Variants in CSMD1 observed in about 807,000 individuals in gnomAD.
CSMD1 encodes CUB and sushi domain-containing protein 1.
In CSMD1, 213 loss-of-function variants were observed where a neutral mutation model predicts 417.5. The observed-to-expected ratio is 0.51, with a 90% CI of 0.46 to 0.57. The LOEUF (loss-of-function observed/expected upper bound fraction) is 0.57, where lower values mean the gene tolerates loss of function less well. Among genes scored for constraint, CSMD1 ranks in the 20% least tolerant of loss-of-function variants. The pLI is 0.00. For missense variants in CSMD1, 6,923 were observed against 4,529.7 expected (o/e 1.53, Z -15.17); for synonymous variants, 2,862 against 1,736.8 (o/e 1.65, Z -16.11).
intron 6 of CSMD1, among the ~76,000 whole-genome samples, chr8:3,718,637 G>C (rs1801973406): frequency 1.3e-5 from 2 of 152,254 alleles, no homozygotes; most frequent in South Asian, 2.1e-4. Flanking sequence ...ATTGTGTCAA[G>C]GTAGTATGGA....
chr8:4,588,194 A>G (rs1799799665), intron 2 of CSMD1, among the ~76,000 whole-genome samples: 1 of 152,100 alleles, frequency 6.6e-6, no homozygotes, highest in Non-Finnish European at 1.5e-5. Context: ...TTAGGCATAT[A>G]TTTAAATAGA....
In CSMD1 at chr8:4,177,501, G is replaced by T. The variant is rs184987667; in HGVS notation, c.416-145402C>A. ...TAGGAAAGATCCAAAATTGACACCC[G>T]AACATCACAATTAAAAGAACTAGAA... On this transcript the variant is annotated intron_variant, in intron 3 of 69. Coordinates refer to ENST00000635120, the MANE Select transcript of CSMD1 (RefSeq NM_033225.6). Among the ~76,000 whole-genome samples the T allele has an allele frequency of 7.9e-4, 120 of 152,016 alleles. 1 individual carries two copies. The highest frequency in any genetic ancestry group is 4.8e-3 in the South Asian group (23 of 4,810).
At chr8:4,803,198 T>C (rs1411837987) in intron 1 of CSMD1, among the ~76,000 whole-genome samples, 1 of 152,198 alleles carries the variant, frequency 6.6e-6, no homozygotes, top group Non-Finnish European at 1.5e-5. Context: ...TCCTGGCCAC[T>C]TTCCAAAGTG....
intron 3 of CSMD1, among the ~76,000 whole-genome samples, chr8:4,388,102 C>A (rs910708328): frequency 6.6e-6 from 1 of 152,172 alleles, no homozygotes; most frequent in African/African-American, 2.4e-5. Context: ...ACTAAAGATA[C>A]AGCTGTCTCT....
intron 2 of CSMD1, among the ~76,000 whole-genome samples, chr8:4,468,094 G>A (rs1440965730): frequency 6.6e-6 from 1 of 152,162 alleles, no homozygotes; most frequent in Non-Finnish European, 1.5e-5. Flanking sequence ...GCACTGTTCT[G>A]ATGAACCGCT....
intron 3 of CSMD1, among the ~76,000 whole-genome samples, chr8:4,414,640 A>C (rs1004852010): frequency 3.3e-5 from 5 of 152,212 alleles, no homozygotes; most frequent in Non-Finnish European, 7.3e-5. Context: ...TTCACTAGAA[A>C]GAAAATCAAA....
At chr8:4,293,945 A>C (rs1283499768) in intron 3 of CSMD1, among the ~76,000 whole-genome samples, 1 of 151,912 alleles carries the variant, frequency 6.6e-6, no homozygotes, top group Non-Finnish European at 1.5e-5. Flanking sequence ...ACTTTTAAAC[A>C]CTTTCTACAA....
At chr8:3,254,859 C>T (rs1254219204) in intron 26 of CSMD1, among the ~76,000 whole-genome samples, 1 of 152,152 alleles carries the variant, frequency 6.6e-6, no homozygotes, top group Non-Finnish European at 1.5e-5. Context: ...CTGAAGCCTT[C>T]TTCTCTCAAC....
intron 1 of CSMD1, among the ~76,000 whole-genome samples, chr8:4,780,845 C>T (rs1797118788): frequency 6.6e-6 from 1 of 152,166 alleles, no homozygotes; most frequent in Non-Finnish European, 1.5e-5. Flanking sequence ...CTCAGTTACT[C>T]CACTTAAAAC....
At position 3,018,451 on chromosome 8, in the gene CSMD1, A is replaced by G. The variant is rs755404996; in HGVS notation, c.8029+26T>C. 1.6e-5 allele frequency: 26 copies of G among 1,606,286 alleles called. No homozygotes were observed. The East Asian group carries it at 3.6e-4, about 22-fold the overall frequency. On this transcript the variant is annotated intron_variant, in intron 52 of 69. Coordinates refer to ENST00000635120, the MANE Select transcript of CSMD1 (RefSeq NM_033225.6). ...TTTCTAAGGTTTATCTGCATTAAGT[A>G]AGTGCCAGAACACAGATGAATTTAC...
intron 1 of CSMD1, among the ~76,000 whole-genome samples, chr8:4,931,927 G>A (rs970161930): frequency 7.9e-5 from 12 of 152,130 alleles, no homozygotes; most frequent in Admixed American, 3.3e-4. Context: ...ACATTAAGAT[G>A]CTTATGTAAG....
At chr8:4,076,842 T>C (rs1464795132) in intron 3 of CSMD1, among the ~76,000 whole-genome samples, 1 of 152,168 alleles carries the variant, frequency 6.6e-6, no homozygotes, top group Admixed American at 6.6e-5. Context: ...AACTGCTAAC[T>C]TAAGATAGGC....
chr8:4,081,832 A>G (rs1407760922), intron 3 of CSMD1, among the ~76,000 whole-genome samples: 1 of 152,136 alleles, frequency 6.6e-6, no homozygotes, highest in Non-Finnish European at 1.5e-5. Context: ...AATAAAGTTA[A>G]AAAAAGTTGA....
intron 26 of CSMD1, among the ~76,000 whole-genome samples, chr8:3,246,709 T>A (rs1799906804): frequency 6.6e-6 from 1 of 152,184 alleles, no homozygotes. Flanking sequence ...TGACCTCAGG[T>A]GATCTTGCCC....
At chr8:4,872,963 C>A (rs1170119835) in intron 1 of CSMD1, among the ~76,000 whole-genome samples, 3 of 151,972 alleles carry the variant, frequency 2.0e-5, no homozygotes, top group Non-Finnish European at 4.4e-5. Flanking sequence ...GACTGGCAAA[C>A]AAAAATTGTA....
chr8:3,746,104 C>T (rs1460544613), intron 6 of CSMD1, among the ~76,000 whole-genome samples: 1 of 152,172 alleles, frequency 6.6e-6, no homozygotes, highest in Non-Finnish European at 1.5e-5. Context: ...ACATTGTCTG[C>T]AGATTTGGCC....
chr8:4,819,579 G>C (rs1799403686), intron 1 of CSMD1, among the ~76,000 whole-genome samples: 1 of 152,166 alleles, frequency 6.6e-6, no homozygotes, highest in South Asian at 2.1e-4. Context: ...TAAAATGTGT[G>C]TATCTTGTTA....
Position 3,714,191 on chromosome 8 carries a change from G to T in CSMD1, c.932-5700C>A, listed in dbSNP as rs115617373. ...TACATATTATATATGTATATAATAAGCTCCATATATAACATATAAATGAAT... is the reference window on the plus strand; with the variant it reads ...TACATATTATATATGTATATAATAATCTCCATATATAACATATAAATGAAT... On this transcript the variant is annotated intron_variant, in intron 6 of 69. Coordinates refer to ENST00000635120, the MANE Select transcript of CSMD1 (RefSeq NM_033225.6). Among the ~76,000 whole-genome samples, 3 of 149,838 alleles carry T rather than the reference G, an allele frequency of 2.0e-5. No homozygotes were observed. In the East Asian group the frequency reaches 5.8e-4, roughly 29 times the overall value.
intron 3 of CSMD1, among the ~76,000 whole-genome samples, chr8:4,415,790 C>A (rs993445396): frequency 2.0e-5 from 3 of 152,190 alleles, no homozygotes; most frequent in Non-Finnish European, 4.4e-5. Flanking sequence ...TGTATGAGCA[C>A]ACGTGTTTAC....
Sources: allele counts gnomAD v4.1 joint callset (sites outside exome capture counted in the v4.1 genomes callset), GRCh38; gene constraint gnomAD v4.1.1; transcripts MANE v1.5; gene names NCBI Gene and HGNC (gene_info 2026-07-23, HGNC 2026-07-21).